The following DIAPH2 variants were observed in gnomAD, a reference collection of about 807,000 sequenced individuals.
The protein encoded by DIAPH2 is protein diaphanous homolog 2.
Under a neutral mutation model 92.7 loss-of-function variants are expected in DIAPH2, and 35 were observed. The observed-to-expected ratio is 0.38, with a 90% CI of 0.29 to 0.50. The LOEUF is 0.50. Ranked by LOEUF, DIAPH2 falls within the 20% of genes least tolerant of loss-of-function variation. The pLI, the probability that DIAPH2 is intolerant of heterozygous loss-of-function variation, is 0.94. For synonymous variants in DIAPH2, 301 were observed against 280.4 expected (o/e 1.07, Z -0.73); for missense variants, 701 against 819.5 (o/e 0.86, Z 1.77).
intron 22 of DIAPH2, among the ~76,000 whole-genome samples, chrX:97,144,622 G>GTA (rs3044924): frequency 2.8e-5 from 3 of 105,557 alleles, no homozygotes; most frequent in African/African-American, 6.9e-5. Flanking sequence ...TATATAGCGT[G>GTA]TATATATATA....
At chrX:97,597,880 C>A (rs1362326885) in intron 26 of DIAPH2, among the ~76,000 whole-genome samples, 2 of 111,372 alleles carry the variant, frequency 1.8e-5, no homozygotes, top group African/African-American at 6.5e-5. Flanking sequence ...AGAGAAAATG[C>A]CTCTTTCTTT....
intron 20 of DIAPH2, among the ~76,000 whole-genome samples, chrX:97,100,161 A>G (rs1487075537): frequency 9.0e-6 from 1 of 110,922 alleles, no homozygotes; most frequent in Non-Finnish European, 1.9e-5. Context: ...AGTAGGTTAA[A>G]ATAAAAGGAT....
intron 4 of DIAPH2, among the ~76,000 whole-genome samples, chrX:96,793,817 T>C (rs765301705): frequency 8.9e-6 from 1 of 111,791 alleles, no homozygotes; most frequent in African/African-American, 3.3e-5. Context: ...AATTGGTGTT[T>C]TCATAAAAAG....
chrX:96,918,507 A>T lies in DIAPH2; in HGVS notation c.870-2A>T. 1 of 1,156,912 alleles carries T rather than the reference A, an allele frequency of 8.6e-7. No individual in the cohort carries two copies. Among genetic ancestry groups the T allele is most frequent in the Non-Finnish European group, 1.2e-6 (1 of 854,623 alleles). On this transcript the variant is annotated splice_acceptor_variant, in intron 8 of 26. Transcript: ENST00000324765. LOFTEE classifies it high-confidence loss of function. ...TTTCTGTTTCTTCTTTTTTCTCTAC[A>T]GTCTAGATAAACTTTTAGGGGCTAT...
rs144645294 is a variant in DIAPH2 at position 97,272,484 on chromosome X, T to C, written c.2844+24645T>C. Among the ~76,000 whole-genome samples the C allele has an allele frequency of 2.6e-3, 286 of 112,062 alleles. 6 individuals are homozygous for C. The East Asian group carries it at 0.071, about 28-fold the overall frequency. ...CAAATCTTGAAAAATCATTTTAAGA[T>C]TCAGTTGATTATTTTATTAGCCAGG... On this transcript the variant is annotated intron_variant, in intron 23 of 26. Coordinates refer to ENST00000324765, the MANE Select transcript of DIAPH2 (RefSeq NM_006729.5).
chrX:97,114,093 G>A (rs1258474037), intron 20 of DIAPH2, among the ~76,000 whole-genome samples: 1 of 112,066 alleles, frequency 8.9e-6, no homozygotes, highest in Admixed American at 9.5e-5. Context: ...CTTGCATAAT[G>A]TACTTGAAAG....
At chrX:97,203,583 A>G (rs777731917) in intron 22 of DIAPH2, among the ~76,000 whole-genome samples, 2 of 112,073 alleles carry the variant, frequency 1.8e-5, no homozygotes, top group African/African-American at 3.2e-5. Flanking sequence ...AGAAATAGAT[A>G]AGTTCCTGGA....
At chrX:97,033,040 G>A (rs2066387291) in intron 17 of DIAPH2, among the ~76,000 whole-genome samples, 1 of 111,521 alleles carries the variant, frequency 9.0e-6, no homozygotes, top group African/African-American at 3.3e-5. Context: ...CTTCCCAAGG[G>A]TTCTGGATTC....
chrX:97,573,655 T>TG (rs1459616526), intron 26 of DIAPH2, among the ~76,000 whole-genome samples: 68 of 107,591 alleles, frequency 6.3e-4, no homozygotes, highest in African/African-American at 2.3e-3. Flanking sequence ...GGGGTTTTTT[T>TG]GTTTTTTTTT....
At chrX:97,190,254 G>T (rs2067641636) in intron 22 of DIAPH2, among the ~76,000 whole-genome samples, 1 of 112,346 alleles carries the variant, frequency 8.9e-6, no homozygotes, top group Non-Finnish European at 1.9e-5. Context: ...GAGGTTTTTA[G>T]TTATAGTGGC....
intron 26 of DIAPH2, chrX:97,442,034 C>T (rs980444494): frequency 3.6e-5 from 4 of 112,406 alleles, no homozygotes; most frequent in African/African-American, 1.3e-4. Flanking sequence ...ATGATGTTCT[C>T]TATAGAAATT....
chrX:96,873,665 C>T (rs950772214), intron 4 of DIAPH2, among the ~76,000 whole-genome samples: 2 of 108,939 alleles, frequency 1.8e-5, no homozygotes, highest in African/African-American at 6.7e-5. Flanking sequence ...CACACACACA[C>T]ACACACACAC....
intron 23 of DIAPH2, among the ~76,000 whole-genome samples, chrX:97,307,736 C>A (rs2068758717): frequency 9.2e-6 from 1 of 108,267 alleles, no homozygotes; most frequent in South Asian, 4.1e-4. Context: ...TGGAGAAACC[C>A]CATCTCTACT....
intron 21 of DIAPH2, among the ~76,000 whole-genome samples, chrX:97,118,638 C>A (rs1229905494): frequency 3.6e-5 from 4 of 111,923 alleles, no homozygotes; most frequent in Non-Finnish European, 7.5e-5. Context: ...AATATACATA[C>A]ACAATATTAT....
intron 26 of DIAPH2, among the ~76,000 whole-genome samples, chrX:97,554,710 TG>T (rs745709481): frequency 8.9e-6 from 1 of 111,853 alleles, no homozygotes; most frequent in East Asian, 2.8e-4. Context: ...GCAAATTATT[TG>T]ACCTCTCTGT....
chrX:96,949,246 T>C (rs1172560353), intron 15 of DIAPH2, among the ~76,000 whole-genome samples: 1 of 111,461 alleles, frequency 9.0e-6, no homozygotes, highest in Non-Finnish European at 1.9e-5. Context: ...GTTGCTCAAA[T>C]GGCCCTGAAT....
At chrX:97,206,606 CA>C (rs1440645179) in intron 22 of DIAPH2, among the ~76,000 whole-genome samples, 29 of 111,825 alleles carry the variant, frequency 2.6e-4, no homozygotes, top group African/African-American at 8.4e-4. Context: ...TGCATATAAT[CA>C]GATGATCAAT....
At chrX:97,288,733 T>A (rs1329140290) in intron 23 of DIAPH2, among the ~76,000 whole-genome samples, 1 of 98,855 alleles carries the variant, frequency 1.0e-5, no homozygotes, top group African/African-American at 3.9e-5. Flanking sequence ...AGCGCGAGAC[T>A]CTGTCTCAAA....
intron 2 of DIAPH2, 103 bp downstream of exon 2, chrX:96,735,893 G>A (rs930265737): frequency 2.1e-6 from 1 of 469,517 alleles, no homozygotes; most frequent in Admixed American, 3.8e-5. Flanking sequence ...CAAAATGTCT[G>A]GATATTTACA....
Sources: allele counts gnomAD v4.1 joint callset (sites outside exome capture counted in the v4.1 genomes callset), GRCh38; gene constraint gnomAD v4.1.1; transcripts MANE v1.5; gene names NCBI Gene and HGNC (gene_info 2026-07-23, HGNC 2026-07-21).